Variants in PHLDB2 observed in about 807,000 individuals in gnomAD.
The protein encoded by PHLDB2 is pleckstrin homology like domain family B member 2, also known as pleckstrin homology-like domain family B member 2.
Under a neutral mutation model 123.6 loss-of-function variants are expected in PHLDB2, and 71 were observed. That is an observed-to-expected ratio of 0.57 (90% CI 0.47 to 0.70). The LOEUF is 0.70. Among genes scored for constraint, PHLDB2 ranks in the 30% least tolerant of loss-of-function variants. The pLI is 0.00. For missense variants in PHLDB2, 1,446 were observed against 1,519.5 expected (o/e 0.95, Z 0.80); for synonymous variants, 547 against 541.6 (o/e 1.01, Z -0.14).
At chr3:111,940,896 G>A (rs1826346) in intron 8 of PHLDB2, among the ~76,000 whole-genome samples, 2,962 of 152,252 alleles carry the variant, frequency 0.019, 118 homozygotes, top group African/African-American at 0.068. Context: ...ACGATGGAAA[G>A]TCTGTATTTT....
intron 3 of PHLDB2, chr3:111,916,887 C>G (rs997035036): frequency 6.6e-6 from 1 of 152,090 alleles, no homozygotes; most frequent in Admixed American, 6.5e-5. Flanking sequence ...CATATACACA[C>G]GTAATGTGCT....
At chr3:111,911,985 T>G (rs1467845573) in intron 2 of PHLDB2, among the ~76,000 whole-genome samples, 2 of 152,262 alleles carry the variant, frequency 1.3e-5, no homozygotes, top group Non-Finnish European at 2.9e-5. Context: ...TTAGCTGCAA[T>G]TGAAATGAGA....
intron 10 of PHLDB2, among the ~76,000 whole-genome samples, chr3:111,952,221 C>T (rs954771112): frequency 4.6e-5 from 7 of 152,142 alleles, no homozygotes; most frequent in East Asian, 3.9e-4. Flanking sequence ...CAGAACTGCC[C>T]GGAAGGGGAG....
At position 111,827,622 on chromosome 3, in the gene PHLDB2, C is replaced by G. The variant is rs1382016882; in HGVS notation, c.-48-18199C>G. Among the ~76,000 whole-genome samples, 3 of 144,800 alleles carry G rather than the reference C, an allele frequency of 2.1e-5. 1 individual carries two copies. The highest frequency in any genetic ancestry group is 4.5e-5 in the Non-Finnish European group (3 of 67,232). The allele number at this position is 144,800 out of a possible 152,430, so 95.0% of individuals were successfully genotyped here. On this transcript the variant is annotated intron_variant, in intron 1 of 17. Coordinates refer to the PHLDB2 transcript ENST00000393923. ...CCGGGAGGCGGAGCTTGCAGTGAGC[C>G]GAGATTGGAGATTGTGCCATTGCAC...
chr3:111,865,228 T>C (rs1475066167), intron 1 of PHLDB2, among the ~76,000 whole-genome samples: 1 of 152,206 alleles, frequency 6.6e-6, no homozygotes, highest in African/African-American at 2.4e-5. Context: ...TTAAGGAAAC[T>C]GCAAGCCATG....
intron 2 of PHLDB2, among the ~76,000 whole-genome samples, chr3:111,851,345 T>C (rs1439445089): frequency 6.6e-6 from 1 of 152,216 alleles, no homozygotes; most frequent in Admixed American, 6.5e-5. Context: ...AATTGGAATG[T>C]TGTCACTGAA....
intron 16 of PHLDB2, among the ~76,000 whole-genome samples, chr3:111,973,360 T>C (rs1287218903): frequency 6.6e-6 from 1 of 152,198 alleles, no homozygotes; most frequent in Non-Finnish European, 1.5e-5. Context: ...ATCTACATAT[T>C]AATATTTTCA....
rs1466826739 is a variant in PHLDB2, at chr3:111,976,165, T to A, written c.*1602T>A. 26 of 152,574 alleles carry A rather than the reference T, an allele frequency of 1.7e-4. No homozygotes were observed. Among genetic ancestry groups the A allele is most frequent in the Admixed American group, 1.7e-3 (26 of 15,290 alleles). The allele number at this position is 152,574 out of a possible 1,614,324, so 9.5% of individuals were successfully genotyped here. A position where few individuals can be genotyped will look rare whatever the true frequency, so the allele number is the denominator to read the frequency against. On this transcript the variant is annotated 3_prime_UTR_variant, in exon 18 of 18. Coordinates refer to ENST00000431670, the MANE Select transcript of PHLDB2 (RefSeq NM_001134438.2). ...TACTCTCTTCATAGGATTGTAAAGGTGTTCTAATCCAATTGCATGATGTAG... is the reference window on the plus strand; with the variant it reads ...TACTCTCTTCATAGGATTGTAAAGGAGTTCTAATCCAATTGCATGATGTAG...
chr3:111,870,145 G>A (rs2065267513), intron 1 of PHLDB2, among the ~76,000 whole-genome samples: 1 of 152,168 alleles, frequency 6.6e-6, no homozygotes, highest in African/African-American at 2.4e-5. Context: ...AGTGAGAGAA[G>A]AGGAAGTTCT....
Position 111,973,667 on chromosome 3 carries a change from T to C in PHLDB2, c.3536-65T>C. On this transcript the variant is annotated intron_variant, in intron 16 of 17. Coordinates refer to ENST00000431670, the MANE Select transcript of PHLDB2 (RefSeq NM_001134438.2). Reference sequence around the variant, plus strand: ...AATATTTTAATGATTATAATTGTAATAAAATTATTATTTTTTCTGTTCCTC... The same window carrying C: ...AATATTTTAATGATTATAATTGTAACAAAATTATTATTTTTTCTGTTCCTC... 2.3e-6 allele frequency: 2 copies of C among 874,412 alleles called. 1 individual carries two copies. The highest frequency in any genetic ancestry group is 3.6e-6 in the Non-Finnish European group (2 of 548,692). 54.2% of individuals were successfully genotyped at this position (874,412 alleles called of 1,614,324 possible).
chr3:111,921,667 A>C (rs559725925), intron 5 of PHLDB2, among the ~76,000 whole-genome samples: 1 of 144,812 alleles, frequency 6.9e-6, no homozygotes, highest in Non-Finnish European at 1.5e-5. Flanking sequence ...GCAGTGGCGC[A>C]ATCTCAGCTC....
intron 1 of PHLDB2, among the ~76,000 whole-genome samples, chr3:111,780,303 G>GAGGAA (rs764713815): frequency 0.2 from 1,465 of 7,242 alleles, 623 homozygotes; most frequent in East Asian, 0.85. Flanking sequence ...AAGAGGAAGA[G>GAGGAA]GAAGAGGAAG....
At position 111,845,354 on chromosome 3, in the gene PHLDB2, C is replaced by CA. The variant is rs745585464; in HGVS notation, c.-48-436dup. On this transcript the variant is annotated intron_variant, in intron 1 of 17. Coordinates refer to the PHLDB2 transcript ENST00000393923. ...TGGGTGACAGAGCAAGACTCTGTCT[C>CA]AAAAAAAAAAAAAAAAAAAAAAAAA... Among the ~76,000 whole-genome samples the CA allele has an allele frequency of 1.2e-3, 47 of 39,160 alleles. 9 individuals are homozygous for CA. Among genetic ancestry groups the CA allele is most frequent in the African/African-American group, 5.6e-3 (46 of 8,288 alleles). 25.7% of individuals were successfully genotyped at this position (39,160 alleles called of 152,430 possible). A position where few individuals can be genotyped will look rare whatever the true frequency, so the allele number is the denominator to read the frequency against.
chr3:111,907,301 G>T (rs987929420), intron 2 of PHLDB2, among the ~76,000 whole-genome samples: 1 of 152,120 alleles, frequency 6.6e-6, no homozygotes, highest in Non-Finnish European at 1.5e-5. Flanking sequence ...ATAGGGAAAG[G>T]ATACAGATAA....
At chr3:111,805,140 T>G (rs1288608549) in intron 1 of PHLDB2, among the ~76,000 whole-genome samples, 2 of 152,154 alleles carry the variant, frequency 1.3e-5, no homozygotes, top group Non-Finnish European at 2.9e-5. Context: ...ATATAGGAAT[T>G]TACCCAAGAG....
rs540202887 is a variant in PHLDB2 at position 111,922,794 on chromosome 3, A to G, written c.2001+2375A>G. ...TACACTCTGTTCATACTCCTGGCCAACTTTCATCCCTCTGGCTCAGAGATC... is the reference window on the plus strand; with the variant it reads ...TACACTCTGTTCATACTCCTGGCCAGCTTTCATCCCTCTGGCTCAGAGATC... On this transcript the variant is annotated intron_variant, in intron 5 of 17. Coordinates refer to ENST00000431670, the MANE Select transcript of PHLDB2 (RefSeq NM_001134438.2). Among the ~76,000 whole-genome samples, 6 of 152,322 alleles carry G rather than the reference A, an allele frequency of 3.9e-5. No homozygotes were observed. In the East Asian group the frequency reaches 9.7e-4, roughly 25 times the overall value.
intron 2 of PHLDB2, among the ~76,000 whole-genome samples, chr3:111,849,363 G>T (rs943796053): frequency 2.0e-5 from 3 of 151,996 alleles, no homozygotes; most frequent in Non-Finnish European, 4.4e-5. Flanking sequence ...TAGAGAAGGG[G>T]TTTTGCTATG....
At chr3:111,949,558 G>T in intron 10 of PHLDB2, 1 of 308,220 alleles carries the variant, frequency 3.2e-6, no homozygotes, top group Non-Finnish European at 4.8e-6. Context: ...ATTTTAATAA[G>T]AGGCTAAATT....
intron 1 of PHLDB2, among the ~76,000 whole-genome samples, chr3:111,786,239 G>A (rs767854722): frequency 8.5e-5 from 13 of 152,094 alleles, no homozygotes; most frequent in Non-Finnish European, 1.3e-4. Flanking sequence ...GTAAATAGTC[G>A]TTATGCTGTA....
Sources: allele counts gnomAD v4.1 joint callset (sites outside exome capture counted in the v4.1 genomes callset), GRCh38; gene constraint gnomAD v4.1.1; transcripts MANE v1.5; gene names NCBI Gene and HGNC (gene_info 2026-07-23, HGNC 2026-07-21).